The following CWF19L1 variants were observed in gnomAD, a reference collection of about 807,000 sequenced individuals.
The protein encoded by CWF19L1 is CWF19 like cell cycle control factor 1, also known as CWF19-like protein 1.
CWF19L1 carries 60 observed loss-of-function variants against 69.7 expected under a neutral mutation model. The ratio of observed to expected loss-of-function variants is 0.86; its 90% CI spans 0.70 to 1.07. The LOEUF (loss-of-function observed/expected upper bound fraction) is 1.07. Ranked by LOEUF, CWF19L1 falls within the 50% of genes least tolerant of loss-of-function variation. The pLI is 0.00. For missense variants in CWF19L1, 591 were observed against 638.9 expected (o/e 0.92, Z 0.81); for synonymous variants, 209 against 222.2 (o/e 0.94, Z 0.53).
intron 1 of CWF19L1, among the ~76,000 whole-genome samples, chr10:100,265,544 A>T (rs1239652996): frequency 8.3e-5 from 11 of 132,404 alleles, no homozygotes; most frequent in Non-Finnish European, 3.1e-5. Context: ...TTTTTTTGAG[A>T]CAGTCTCGCT....
rs775958899 is a variant in CWF19L1, at chr10:100,260,124, C to T, written c.289+94G>A. The T allele has an allele frequency of 1.2e-3, 879 of 714,844 alleles. 1 individual carries two copies. The highest frequency in any genetic ancestry group is 1.8e-3 in the Non-Finnish European group (758 of 424,450). The allele number at this position is 714,844 out of a possible 1,614,324, so 44.3% of individuals were successfully genotyped here. A position where few individuals can be genotyped will look rare whatever the true frequency, so the allele number is the denominator to read the frequency against. ...TGGAGGTTACAGTGAGCCAAGATTG[C>T]GCCACTGCACTCCAGCCTGGGTGAC... On this transcript the variant is annotated intron_variant, in intron 4 of 13. Coordinates refer to ENST00000354105, the MANE Select transcript of CWF19L1 (RefSeq NM_018294.6).
Position 100,243,697 on chromosome 10 carries a change from C to G in CWF19L1, c.1044+1G>C. On this transcript the variant is annotated splice_donor_variant, in intron 10 of 13. Transcript: ENST00000354105. LOFTEE classifies it high-confidence loss of function. The stretch of plus-strand genomic sequence containing the variant: ...CTATAAAGTCCAAGGAAGTAACTCA[C>G]ATGTGTGCCGATGTTGACCACCAAA... The G allele has an allele frequency of 6.2e-7, 1 of 1,613,830 alleles. No homozygotes were observed. The highest frequency in any genetic ancestry group is 8.5e-7 in the Non-Finnish European group (1 of 1,179,714).
intron 1 of CWF19L1, among the ~76,000 whole-genome samples, chr10:100,266,839 GTTTGT>G (rs68024399): frequency 0.18 from 27,126 of 148,084 alleles, 5,287 homozygotes; most frequent in African/African-American, 0.5. Flanking sequence ...ATTGTTTTTT[GTTTGT>G]TTTGTTTTGT....
chr10:100,263,780 A>C (rs1239431219), intron 1 of CWF19L1, among the ~76,000 whole-genome samples: 8 of 152,158 alleles, frequency 5.3e-5, no homozygotes, highest in Non-Finnish European at 1.0e-4. Flanking sequence ...AGCCTTGTTG[A>C]TTTTACTTCC....
rs1046477203 is a variant in CWF19L1 at position 100,245,977 on chromosome 10, A to T, written c.850-64T>A. On this transcript the variant is annotated intron_variant, in intron 8 of 13. Transcript: ENST00000354105. Reference sequence around the variant, plus strand: ...CTAACCTTTAGATAAGTAGCCGACCACTCACATACAAGGGAACATTCCTGC... The same window carrying T: ...CTAACCTTTAGATAAGTAGCCGACCTCTCACATACAAGGGAACATTCCTGC... 5 of 1,164,540 alleles carry T rather than the reference A, an allele frequency of 4.3e-6. No homozygotes were observed. The South Asian group carries it at 6.2e-5, about 14-fold the overall frequency. The allele number at this position is 1,164,540 out of a possible 1,614,324, so 72.1% of individuals were successfully genotyped here.
Position 100,256,299 on chromosome 10 carries a change from G to A in CWF19L1, c.467C>T (p.Pro156Leu). ...FKGVDILLTS[P>L]WPKCVGNFGN... ...AAAGTTCCCCACACACTTGGGCCAT[G>A]GGGATGTGAGCAAGATATCAACACC... is the stretch of plus-strand genomic sequence containing the variant. The change falls in exon 5 of 14, where the codon CCA (proline) becomes CTA (leucine). Residue 156 changes from proline (P) to leucine (L), a missense_variant. Transcript: ENST00000354105. 2.5e-6 allele frequency: 4 copies of A among 1,614,096 alleles called. No individual in the cohort carries two copies. The highest frequency in any genetic ancestry group is 3.4e-6 in the Non-Finnish European group (4 of 1,179,958).
Position 100,236,875 on chromosome 10 carries a change from A to G in CWF19L1, c.1349T>C (p.Ile450Thr), listed in dbSNP as rs1183295962. 1 of 1,609,776 alleles carries G rather than the reference A, an allele frequency of 6.2e-7. No individual in the cohort carries two copies. Among genetic ancestry groups the G allele is most frequent in the Non-Finnish European group, 8.5e-7 (1 of 1,178,366 alleles). ...AQEQQIELLE[I>T]PEHSDIKQIA... is the part of the protein sequence containing the mutation. ...CTGCTTGATGTCAGAGTGCTCTGGGATTTCCAACAGCTCTATCTGCTGCTC... is the reference window on the plus strand; with the variant it reads ...CTGCTTGATGTCAGAGTGCTCTGGGGTTTCCAACAGCTCTATCTGCTGCTC... The change falls in exon 12 of 14, where the codon ATC (isoleucine) becomes ACC (threonine). Residue 450 changes from isoleucine to threonine, a missense_variant. Coordinates refer to ENST00000354105, the MANE Select transcript of CWF19L1 (RefSeq NM_018294.6).
intron 6 of CWF19L1, among the ~76,000 whole-genome samples, chr10:100,250,901 T>A (rs769796882): frequency 6.7e-6 from 1 of 149,466 alleles, no homozygotes; most frequent in Admixed American, 6.7e-5. Flanking sequence ...TGAGCCTTGA[T>A]AGTACCTCAG....
At chr10:100,249,476 T>TC (rs34537651) in intron 7 of CWF19L1, among the ~76,000 whole-genome samples, 32,154 of 152,080 alleles carry the variant, frequency 0.21, 6,319 homozygotes, top group African/African-American at 0.52. Flanking sequence ...TGGTATATTC[T>TC]TTTCATCAAC....
At chr10:100,240,790 G>A (rs1433238272) in intron 10 of CWF19L1, among the ~76,000 whole-genome samples, 8 of 152,170 alleles carry the variant, frequency 5.3e-5, no homozygotes, top group African/African-American at 1.7e-4. Context: ...CAAATTGTGT[G>A]GGAGAGAAAA....
At chr10:100,237,336 T>A (rs1320667162) in intron 11 of CWF19L1, 1 of 474,512 alleles carries the variant, frequency 2.1e-6, no homozygotes. Context: ...TCTGAGCTGC[T>A]AGCCCCATGC....
rs538842904 is a variant in CWF19L1, at chr10:100,257,225, T to C, written c.290-749A>G. Among the ~76,000 whole-genome samples the C allele has an allele frequency of 9.4e-5, 14 of 148,302 alleles. No individual in the cohort carries two copies. The South Asian group carries it at 1.1e-3, about 12-fold the overall frequency. The stretch of plus-strand genomic sequence containing the variant: ...CGCCATCCAAAATGAACACACATAC[T>C]AAGAAACTTCCTCCTCTTCAGTTTT... On this transcript the variant is annotated intron_variant, in intron 4 of 13. Transcript: ENST00000354105.
chr10:100,251,814 T>C (rs575717534), intron 6 of CWF19L1, among the ~76,000 whole-genome samples: 1 of 152,276 alleles, frequency 6.6e-6, no homozygotes, highest in East Asian at 1.9e-4. Context: ...CCCAGCCCTA[T>C]TGGCCATTTT....
intron 1 of CWF19L1, among the ~76,000 whole-genome samples, chr10:100,265,312 T>A (rs1303330153): frequency 3.9e-5 from 6 of 151,982 alleles, no homozygotes; most frequent in African/African-American, 1.4e-4. Context: ...AACTAAGGTT[T>A]ACTGTTGAAA....
rs77776452 is a variant in CWF19L1, at chr10:100,233,166, T to TA, written c.*60dup. ...TTGTCTCAAAAAAAATTCTTTTAAT[T>TA]AAAAAAAAAAAAAAGCTTTACTACT... On this transcript the variant is annotated 3_prime_UTR_variant, in exon 14 of 14. Transcript: ENST00000354105. The TA allele has an allele frequency of 0.017, 21,835 of 1,289,650 alleles. 15 individuals are homozygous for TA. Among genetic ancestry groups the TA allele is most frequent in the East Asian group, 0.053 (2,036 of 38,086 alleles). The allele number at this position is 1,289,650 out of a possible 1,614,324, so 79.9% of individuals were successfully genotyped here.
rs1847319393 is a variant in CWF19L1 at position 100,259,401 on chromosome 10, G to GT, written c.289+816dup. On this transcript the variant is annotated intron_variant, in intron 4 of 13. Transcript: ENST00000354105. ...TGTACCTAGAACCAGAAAAAGGAGA[G>GT]TAAAAAAAGAGTAAAAAGCCCCCAA... Among the ~76,000 whole-genome samples, 2 of 151,924 alleles carry GT rather than the reference G, an allele frequency of 1.3e-5. 1 individual carries two copies. The highest frequency in any genetic ancestry group is 4.2e-4 in the South Asian group (2 of 4,818).
chr10:100,246,092 A>T, intron 8 of CWF19L1, 179 bp from the exon 9 acceptor site: 1 of 552,752 alleles, frequency 1.8e-6, no homozygotes, highest in Admixed American at 3.0e-5. Flanking sequence ...AGTCTCAGTC[A>T]TACATCAACA....
At chr10:100,254,589 G>C (rs1423425755) in intron 5 of CWF19L1, 2 of 151,988 alleles carry the variant, frequency 1.3e-5, no homozygotes, top group African/African-American at 4.8e-5. Context: ...TTTCCTTCAG[G>C]TTTCTGCTGA....
chr10:100,233,526 A>T (rs1241246372), intron 13 of CWF19L1, 155 bp from the exon 14 acceptor site: 10 of 636,206 alleles, frequency 1.6e-5, no homozygotes, highest in Non-Finnish European at 2.5e-5. Context: ...CCCGTTTTAA[A>T]TGACCAGCTC....
Sources: allele counts gnomAD v4.1 joint callset (sites outside exome capture counted in the v4.1 genomes callset), GRCh38; gene constraint gnomAD v4.1.1; transcripts MANE v1.5; gene names NCBI Gene and HGNC (gene_info 2026-07-23, HGNC 2026-07-21).